Variants in SYNE3 observed in about 807,000 individuals in gnomAD.
The protein encoded by SYNE3 is nesprin-3.
In SYNE3, 100 loss-of-function variants were observed where a neutral mutation model predicts 111.2. The ratio of observed to expected loss-of-function variants is 0.90; its 90% confidence interval spans 0.77 to 1.06. The LOEUF (loss-of-function observed/expected upper bound fraction) is 1.06, where lower values mean the gene tolerates loss of function less well. SYNE3 is among the 50% of genes least tolerant of loss of function. The probability of loss-of-function intolerance (pLI) is 0.00; values close to 1 mark genes in which losing one functional copy is unlikely to be tolerated. For synonymous variants in SYNE3, 547 were observed against 533.9 expected, an observed-to-expected ratio of 1.02 and a Z score of -0.34; for missense variants, 1,160 against 1,240.3, an observed-to-expected ratio of 0.94 and a Z score of 0.97.
chr14:95,427,257 C>T (rs1447000921), intron 17 of SYNE3, among the ~76,000 whole-genome samples: 4 of 152,102 alleles, frequency 2.6e-5, no homozygotes, highest in Admixed American at 6.5e-5. Context: ...CGTGGTCTAG[C>T]GGTAGCTTCA....
chr14:95,477,247 G>C (rs1441079240), intron 1 of SYNE3, among the ~76,000 whole-genome samples: 1 of 152,190 alleles, frequency 6.6e-6, no homozygotes, highest in African/African-American at 2.4e-5. Context: ...ATCAAGTCAG[G>C]GCTGTGTGCA....
At chr14:95,446,215 G>A in intron 8 of SYNE3, 124 bp from the exon 9 acceptor site, 1 of 1,182,218 alleles carries the variant, frequency 8.5e-7, no homozygotes, top group South Asian at 1.5e-5. Context: ...GGTGTCTGAG[G>A]AAGCAGCAAA....
chr14:95,428,262 ACAAT>A (rs1207787502), intron 17 of SYNE3, among the ~76,000 whole-genome samples: 1 of 152,172 alleles, frequency 6.6e-6, no homozygotes, highest in East Asian at 1.9e-4. Context: ...CTCGGTTTAC[ACAAT>A]CAGTGTGGTC....
Position 95,437,000 on chromosome 14 carries a change from C to A in SYNE3, c.2377-19G>T. 6.2e-7 allele frequency: 1 copy of A among 1,613,990 alleles called. No homozygotes were observed. On this transcript the variant is annotated intron_variant, in intron 14 of 17. Coordinates refer to ENST00000682763, the MANE Select transcript of SYNE3 (RefSeq NM_152592.6). ...GATTTGCCTGTAGGATCACACACGG[C>A]CAAAGCGTCAGAGGTGAAAGAGCCC... is the stretch of plus-strand genomic sequence containing the variant.
chr14:95,495,860 C>T (rs1890068890), intron 1 of SYNE3, among the ~76,000 whole-genome samples: 1 of 152,232 alleles, frequency 6.6e-6, no homozygotes, highest in African/African-American at 2.4e-5. Context: ...CCCCCGTGAA[C>T]AGTCCTAAGC....
intron 1 of SYNE3, among the ~76,000 whole-genome samples, chr14:95,512,099 CTTG>C (rs749020973): frequency 2.0e-5 from 3 of 152,164 alleles, no homozygotes; most frequent in Non-Finnish European, 2.9e-5. Context: ...TATTATCTTA[CTTG>C]TTGTATGATT....
At chr14:95,474,648 T>G (rs1727039773) in intron 2 of SYNE3, among the ~76,000 whole-genome samples, 1 of 152,044 alleles carries the variant, frequency 6.6e-6, no homozygotes, top group Non-Finnish European at 1.5e-5. Flanking sequence ...GACACTGAAA[T>G]CAAACACTGA....
At position 95,408,782 on chromosome 14, in the gene SYNE3, C is replaced by T. The variant is rs907470303; in HGVS notation, c.*9044G>A. 4.9e-5 allele frequency: 11 copies of T among 222,432 alleles called. No homozygotes were observed. The highest frequency in any genetic ancestry group is 2.1e-4 in the Admixed American group (4 of 19,048). The allele number at this position is 222,432 out of a possible 1,614,324, so 13.8% of individuals were successfully genotyped here. On this transcript the variant is annotated 3_prime_UTR_variant, in exon 18 of 18. Coordinates refer to ENST00000682763, the MANE Select transcript of SYNE3 (RefSeq NM_152592.6). ...CCCAGTAAAACTTCTGGAACATGCA[C>T]AAGCGACTGCCTCCTTGTTTCTCCC...
At chr14:95,506,769 C>T (rs1187613366) in intron 1 of SYNE3, among the ~76,000 whole-genome samples, 2 of 152,166 alleles carry the variant, frequency 1.3e-5, no homozygotes, top group African/African-American at 2.4e-5. Context: ...TCATATGAGC[C>T]TCACAGTGAC....
chr14:95,466,344 T>C (rs1024097313), intron 3 of SYNE3, 104 bp from the exon 4 acceptor site: 4 of 1,366,978 alleles, frequency 2.9e-6, no homozygotes, highest in Non-Finnish European at 3.9e-6. Flanking sequence ...GGCTGTGGTC[T>C]GGGGGCATGA....
chr14:95,468,981 C>T (rs763899514), intron 2 of SYNE3, among the ~76,000 whole-genome samples: 70 of 152,188 alleles, frequency 4.6e-4, no homozygotes, highest in Non-Finnish European at 9.1e-4. Flanking sequence ...GAGTTACATT[C>T]TCTAGGCCTA....
At position 95,485,067 on chromosome 14, in the gene SYNE3, T is replaced by G. The variant is rs1470124454; in HGVS notation, c.-14-9232A>C. 6.6e-6 allele frequency among the ~76,000 whole-genome samples: 1 copy of G among 152,170 alleles called. No homozygotes were observed. Among genetic ancestry groups the G allele is most frequent in the African/African-American group, 2.4e-5 (1 of 41,416 alleles). ...GGACCTCACTTTGAGAACCATGGGC[T>G]TGGAGGATGTCTCAGCCTCCCGTAG... On this transcript the variant is annotated intron_variant, in intron 1 of 17. Coordinates refer to ENST00000682763, the MANE Select transcript of SYNE3 (RefSeq NM_152592.6). This position sits in a 1 kb window ranked among gnomAD's most constrained non-coding sequence, Gnocchi z 4.3.
intron 2 of SYNE3, among the ~76,000 whole-genome samples, chr14:95,472,630 G>T (rs556527239): frequency 6.6e-6 from 1 of 152,232 alleles, no homozygotes; most frequent in East Asian, 1.9e-4. Flanking sequence ...CACTCTCCCC[G>T]GAAGCAAGCT....
intron 2 of SYNE3, among the ~76,000 whole-genome samples, chr14:95,474,523 C>T (rs1302084590): frequency 6.6e-6 from 1 of 152,178 alleles, no homozygotes; most frequent in African/African-American, 2.4e-5. Context: ...GTGAAGGGAG[C>T]ACAGCAGAGA....
rs781057914 is a variant in SYNE3 at position 95,466,210 on chromosome 14, G to C, written c.348C>G (p.Ser116Arg). The change falls in exon 4 of 18, where the codon AGC becomes AGG. Residue 116 changes from serine to arginine, a missense_variant. Physicochemically the swap from Ser to Arg is moderately radical, Grantham distance 110. Coordinates refer to ENST00000682763, the MANE Select transcript of SYNE3 (RefSeq NM_152592.6). ...ACTCATCTCGGGCCAGCAGGTACTC[G>C]CTCCAGTGCAGCCACACCCACTCGA... The part of the protein sequence containing the change: ...SRIEWVWLHW[S>R]EYLLARDEFY... 3.8e-6 allele frequency: 6 copies of C among 1,585,406 alleles called. No homozygotes were observed. In the African/African-American group the frequency reaches 5.4e-5, roughly 14 times the overall value.
chr14:95,410,973 A>T lies in SYNE3; in HGVS notation c.*6853T>A, dbSNP rs7161469. 0.2 allele frequency: 30,773 copies of T among 151,830 alleles called. 3,293 individuals carry two copies. The highest frequency in any genetic ancestry group is 0.28 in the Middle Eastern group (81 of 294). 9.4% of individuals were successfully genotyped at this position (151,830 alleles called of 1,614,324 possible). On this transcript the variant is annotated 3_prime_UTR_variant, in exon 18 of 18. Transcript: ENST00000682763. ...CCCTGTCTAGTGCTGAGCAGTATCA[A>T]GCTGTCATCCAGTGGGTGCAGAGAC...
chr14:95,410,109 T>A lies in SYNE3; in HGVS notation c.*7717A>T, dbSNP rs1249319033. On this transcript the variant is annotated 3_prime_UTR_variant, in exon 18 of 18. Transcript: ENST00000682763. ...CAAAAACTCTGGCAAGCTGGGCAGA[T>A]CTATTTGTCGGTTCCCAAGCCTTGC... 2.0e-5 allele frequency: 3 copies of A among 152,838 alleles called. No homozygotes were observed. The highest frequency in any genetic ancestry group is 7.2e-5 in the African/African-American group (3 of 41,436). The allele number at this position is 152,838 out of a possible 1,614,324, so 9.5% of individuals were successfully genotyped here.
intron 1 of SYNE3, among the ~76,000 whole-genome samples, chr14:95,486,435 G>A (rs1269494241): frequency 1.0e-4 from 15 of 150,090 alleles, no homozygotes; most frequent in African/African-American, 2.5e-4. Context: ...CCCCGCCAGC[G>A]CCTCATGCCT....
intron 1 of SYNE3, among the ~76,000 whole-genome samples, chr14:95,502,503 T>C (rs1890375311): frequency 6.6e-6 from 1 of 152,070 alleles, no homozygotes; most frequent in African/African-American, 2.4e-5. Context: ...ACTGTCTTCC[T>C]TATCTGAGCT....
Sources: allele counts gnomAD v4.1 joint callset (sites outside exome capture counted in the v4.1 genomes callset), GRCh38; gene constraint gnomAD v4.1.1; non-coding constraint Gnocchi (gnomAD v3.1); transcripts MANE v1.5; gene names NCBI Gene and HGNC (gene_info 2026-07-23, HGNC 2026-07-21).